The following GABRG1 variants were observed in gnomAD, a reference collection of about 807,000 sequenced individuals.
GABRG1 encodes gamma-aminobutyric acid type A receptor subunit gamma1, also known as gamma-aminobutyric acid receptor subunit gamma-1.
GABRG1 carries 49 observed loss-of-function variants against 49.8 expected under a neutral mutation model. That is an observed-to-expected ratio of 0.98 (90% confidence interval 0.78 to 1.25). The LOEUF is 1.25. GABRG1 is among the 50% of genes most tolerant of loss of function. The pLI, the probability that GABRG1 is intolerant of heterozygous loss-of-function variation, is 0.00. For missense variants in GABRG1, 552 were observed against 552.3 expected (o/e 1.00, Z 0.01); for synonymous variants, 232 against 185.1 (o/e 1.25, Z -2.06).
intron 2 of GABRG1, among the ~76,000 whole-genome samples, chr4:46,084,751 A>T (rs1719692600): frequency 6.6e-6 from 1 of 151,672 alleles, no homozygotes; most frequent in African/African-American, 2.4e-5. Context: ...GACCTACACA[A>T]TACTTGAAAA....
rs1717824519 is a variant in GABRG1, at chr4:46,042,520, T to C, written c.1132-1266A>G. Among the ~76,000 whole-genome samples, 3 of 152,120 alleles carry C rather than the reference T, an allele frequency of 2.0e-5. No individual in the cohort carries two copies. The South Asian group carries it at 6.2e-4, about 31-fold the overall frequency. ...TAGCGCCAATTTTATAAAAATTGTT[T>C]TAACCAGCTCTTACATCTTTTCCCA... On this transcript the variant is annotated intron_variant, in intron 8 of 8. Transcript: ENST00000295452.
chr4:46,052,009 A>T (rs1718242881), intron 7 of GABRG1, among the ~76,000 whole-genome samples: 1 of 151,850 alleles, frequency 6.6e-6, no homozygotes, highest in Non-Finnish European at 1.5e-5. Flanking sequence ...GAACCAAGTC[A>T]AGAATGTAGG....
At chr4:46,051,329 C>A (rs985529532) in intron 8 of GABRG1, 95 bp downstream of exon 8, 6 of 895,446 alleles carry the variant, frequency 6.7e-6, no homozygotes, top group Non-Finnish European at 1.0e-5. Context: ...GGGTCTCAAG[C>A]GTCCCTATTT....
chr4:46,072,762 G>A (rs925555593), intron 3 of GABRG1, among the ~76,000 whole-genome samples: 18 of 152,046 alleles, frequency 1.2e-4, no homozygotes, highest in Non-Finnish European at 1.3e-4. Context: ...GAAAATAAGG[G>A]CAGAAAAACC....
At chr4:46,102,044 C>A (rs367655215) in intron 1 of GABRG1, among the ~76,000 whole-genome samples, 7 of 151,604 alleles carry the variant, frequency 4.6e-5, no homozygotes, top group East Asian at 3.9e-4. Flanking sequence ...GGAGTGAATT[C>A]GATGTGAATG....
chr4:46,071,426 T>TTA (rs966773699), intron 3 of GABRG1, among the ~76,000 whole-genome samples: 25 of 148,832 alleles, frequency 1.7e-4, no homozygotes, highest in African/African-American at 4.9e-4. Context: ...CACACATATG[T>TTA]TATATATATA....
At chr4:46,053,659 A>G (rs16859045) in intron 7 of GABRG1, among the ~76,000 whole-genome samples, 1,838 of 152,068 alleles carry the variant, frequency 0.012, 36 homozygotes, top group African/African-American at 0.042. Context: ...TATGTCTCCT[A>G]TCTGAAAAAT....
At chr4:46,090,221 A>G (rs1719929197) in intron 2 of GABRG1, among the ~76,000 whole-genome samples, 1 of 152,104 alleles carries the variant, frequency 6.6e-6, no homozygotes, top group Admixed American at 6.6e-5. Flanking sequence ...GCTACTATTC[A>G]TGATACAGTT....
chr4:46,085,309 A>G (rs921313714), intron 2 of GABRG1, among the ~76,000 whole-genome samples: 1 of 151,536 alleles, frequency 6.6e-6, no homozygotes, highest in Non-Finnish European at 1.5e-5. Context: ...TTATAAGATA[A>G]ACATATACAT....
At chr4:46,123,101 A>ACACAC (rs1721139869) in intron 1 of GABRG1, among the ~76,000 whole-genome samples, 1 of 129,484 alleles carries the variant, frequency 7.7e-6, no homozygotes, top group African/African-American at 2.8e-5. Flanking sequence ...CATACACACA[A>ACACAC]ACACACACAC....
At chr4:46,061,814 A>ATGT (rs1718698537) in intron 5 of GABRG1, among the ~76,000 whole-genome samples, 1 of 144,736 alleles carries the variant, frequency 6.9e-6, no homozygotes, top group Non-Finnish European at 1.5e-5. Flanking sequence ...TACCACTTAC[A>ATGT]TTTTTTTTTT....
chr4:46,081,728 G>C (rs956350615), intron 3 of GABRG1, among the ~76,000 whole-genome samples: 1 of 151,858 alleles, frequency 6.6e-6, no homozygotes, highest in African/African-American at 2.4e-5. Flanking sequence ...ACTTAATCCC[G>C]AGAACTTCAG....
At position 46,092,368 on chromosome 4, in the gene GABRG1, A is replaced by C. The variant is rs141405656; in HGVS notation, c.253+4833T>G. Among the ~76,000 whole-genome samples the C allele has an allele frequency of 4.5e-3, 691 of 152,164 alleles. 2 individuals carry two copies. Among genetic ancestry groups the C allele is most frequent in the Non-Finnish European group, 7.5e-3 (510 of 67,958 alleles). On this transcript the variant is annotated intron_variant, in intron 2 of 8. Coordinates refer to ENST00000295452, the MANE Select transcript of GABRG1 (RefSeq NM_173536.4). Reference sequence around the variant, plus strand: ...TGGAAAAAGGTTTGAAATTTCTTTGAATTATGATAAACTTACTGATTTATG... The same window carrying C: ...TGGAAAAAGGTTTGAAATTTCTTTGCATTATGATAAACTTACTGATTTATG...
chr4:46,044,705 G>T (rs1015639654), intron 8 of GABRG1, among the ~76,000 whole-genome samples: 1 of 152,034 alleles, frequency 6.6e-6, no homozygotes, highest in Non-Finnish European at 1.5e-5. Context: ...TGGGAGTAAT[G>T]AATAGAATGG....
At chr4:46,068,546 C>G (rs943804708) in intron 3 of GABRG1, among the ~76,000 whole-genome samples, 1 of 152,166 alleles carries the variant, frequency 6.6e-6, no homozygotes, top group African/African-American at 2.4e-5. Flanking sequence ...CAGTTGTCCC[C>G]TCAATCTAAT....
chr4:46,060,816 A>T (rs1325423721), intron 5 of GABRG1, among the ~76,000 whole-genome samples: 1 of 152,146 alleles, frequency 6.6e-6, no homozygotes, highest in Non-Finnish European at 1.5e-5. Flanking sequence ...TTTTAGAGTC[A>T]ATAGAGGATA....
At chr4:46,119,204 T>C (rs1721022681) in intron 1 of GABRG1, among the ~76,000 whole-genome samples, 2 of 151,356 alleles carry the variant, frequency 1.3e-5, no homozygotes, top group South Asian at 4.1e-4. Context: ...GTGTGATAGG[T>C]ACAAAGTAGA....
intron 1 of GABRG1, among the ~76,000 whole-genome samples, chr4:46,117,513 G>T (rs1720936034): frequency 6.8e-6 from 1 of 147,776 alleles, no homozygotes. Context: ...CAAACTGTGA[G>T]ACTCTACCTT....
intron 1 of GABRG1, among the ~76,000 whole-genome samples, chr4:46,098,569 C>T (rs559430610): frequency 6.6e-6 from 1 of 151,862 alleles, no homozygotes; most frequent in South Asian, 2.1e-4. Flanking sequence ...TCCGTAAACT[C>T]TCAAGCTGAT....
Sources: allele counts gnomAD v4.1 joint callset (sites outside exome capture counted in the v4.1 genomes callset), GRCh38; gene constraint gnomAD v4.1.1; transcripts MANE v1.5; gene names NCBI Gene and HGNC (gene_info 2026-07-23, HGNC 2026-07-21).